The following PCDHA1 variants were observed in gnomAD, a reference collection of about 807,000 sequenced individuals.
PCDHA1 encodes the protein protocadherin alpha-1.
PCDHA1 carries 42 observed loss-of-function variants against 61.3 expected under a neutral mutation model. The observed-to-expected ratio is 0.69, with a 90% CI of 0.54 to 0.89. PCDHA1 has a LOEUF of 0.89. PCDHA1 is among the 40% of genes least tolerant of loss of function. PCDHA1 has a pLI of 0.00. For missense variants in PCDHA1, 1,256 were observed against 1,235.3 expected (o/e 1.02, Z -0.25); for synonymous variants, 610 against 553.8 (o/e 1.10, Z -1.43).
At chr5:140,993,668 A>G (rs551356894) in intron 3 of PCDHA1, among the ~76,000 whole-genome samples, 167 of 152,322 alleles carry the variant, frequency 1.1e-3, no homozygotes, top group African/African-American at 3.4e-3. Context: ...ACAATGGACC[A>G]CATATGTGAC....
In PCDHA1 at chr5:140,981,687, ATCATTCATTCAT is replaced by A. The variant is rs200213847; in HGVS notation, c.2454-771_2454-760del. Among the ~76,000 whole-genome samples the A allele has an allele frequency of 3.0e-3, 453 of 152,088 alleles. 7 individuals are homozygous for A. In the East Asian group the frequency reaches 0.044, roughly 15 times the overall value. Reference sequence around the variant, plus strand: ...CTTCCTTTCTTCCTTCCTCCCTTCCATCATTCATTCATTCATTCATTCATTCATCCAACAAAT... The same window carrying A: ...CTTCCTTTCTTCCTTCCTCCCTTCCATCATTCATTCATTCATCCAACAAAT... On this transcript the variant is annotated intron_variant, in intron 2 of 3. Transcript: ENST00000504120.
chr5:140,850,031 G>A (rs2150464401), intron 1 of PCDHA1: 5 of 1,596,722 alleles, frequency 3.1e-6, no homozygotes, highest in East Asian at 4.5e-5. Context: ...CAGTGCACGC[G>A]GAGAGCGGCA....
chr5:140,969,823 T>C (rs782195981), intron 1 of PCDHA1, among the ~76,000 whole-genome samples: 3 of 152,248 alleles, frequency 2.0e-5, no homozygotes, highest in Non-Finnish European at 4.4e-5. Context: ...CTCTGGACTG[T>C]CTACAGTGGA....
intron 3 of PCDHA1, among the ~76,000 whole-genome samples, chr5:140,987,213 CAA>C (rs58319157): frequency 9.3e-5 from 11 of 118,826 alleles, no homozygotes; most frequent in African/African-American, 1.6e-4. Flanking sequence ...GACTCCATCT[CAA>C]AAAAAAAAAA....
intron 1 of PCDHA1, chr5:140,794,733 GA>G: frequency 2.0e-6 from 1 of 496,852 alleles, no homozygotes; most frequent in Non-Finnish European, 3.5e-6. Context: ...ACTTAAACCA[GA>G]AAATCGACTA....
At chr5:140,823,872 G>C in intron 1 of PCDHA1, 1 of 1,613,916 alleles carries the variant, frequency 6.2e-7, no homozygotes, top group Non-Finnish European at 8.5e-7. Flanking sequence ...ACGTGTACCT[G>C]ATCATCGCCA....
At chr5:140,881,988 C>A in intron 1 of PCDHA1, 1 of 434,968 alleles carries the variant, frequency 2.3e-6, no homozygotes, top group Non-Finnish European at 4.0e-6. Flanking sequence ...GTGAAAATGT[C>A]AGGAAATGCA....
intron 1 of PCDHA1, among the ~76,000 whole-genome samples, chr5:140,963,059 A>G (rs1307714661): frequency 6.6e-6 from 1 of 152,162 alleles, no homozygotes; most frequent in Non-Finnish European, 1.5e-5. Context: ...GGGTTTCTAC[A>G]TTGTGAAGGA....
At chr5:140,967,562 C>T in intron 1 of PCDHA1, 1 of 1,614,064 alleles carries the variant, frequency 6.2e-7, no homozygotes, top group Non-Finnish European at 8.5e-7. Context: ...TCGCGTCCAG[C>T]TACGGGAGGA....
intron 1 of PCDHA1, chr5:140,797,599 T>C (rs1762246423): frequency 1.9e-6 from 1 of 520,462 alleles, no homozygotes; most frequent in South Asian, 3.2e-5. Context: ...TAATAGACCA[T>C]GAAACACTGA....
At chr5:140,823,531 G>A (rs2150126678) in intron 1 of PCDHA1, 2 of 1,613,780 alleles carry the variant, frequency 1.2e-6, no homozygotes, top group South Asian at 2.2e-5. Flanking sequence ...GTCAGTGGGT[G>A]CGGGCCACGT....
At chr5:140,829,083 C>T (rs2150162382) in intron 1 of PCDHA1, 3 of 1,611,052 alleles carry the variant, frequency 1.9e-6, no homozygotes, top group Non-Finnish European at 2.5e-6. Flanking sequence ...CCTCCCATGG[C>T]GGGTCATTGC....
At chr5:140,989,865 C>T (rs1209207256) in intron 3 of PCDHA1, among the ~76,000 whole-genome samples, 1 of 152,034 alleles carries the variant, frequency 6.6e-6, no homozygotes, top group Non-Finnish European at 1.5e-5. Flanking sequence ...AGGAATCTTT[C>T]TCTGCCTCAG....
At position 140,787,742 on chromosome 5, in the gene PCDHA1, G is replaced by T. The variant is rs782500968; in HGVS notation, c.1452G>T (p.Ala484=). 3.4e-5 allele frequency: 55 copies of T among 1,613,472 alleles called. No individual in the cohort carries two copies. The highest frequency in any genetic ancestry group is 4.7e-5 in the Non-Finnish European group (55 of 1,179,854). ...IFTVSARDAD[A]QENALVSYSL... ...CGGTGTCTGCGCGGGACGCGGACGC[G>T]CAGGAGAACGCGCTGGTGTCCTATT... The change falls in exon 1 of 4, where the codon GCG becomes GCT. Residue 484 remains alanine (A), a synonymous_variant. Transcript: ENST00000504120.
At chr5:140,963,701 AG>A (rs1226096855) in intron 1 of PCDHA1, among the ~76,000 whole-genome samples, 2 of 152,218 alleles carry the variant, frequency 1.3e-5, no homozygotes, top group Non-Finnish European at 1.5e-5. Flanking sequence ...TGATATCTAA[AG>A]GGCCATGCTA....
intron 1 of PCDHA1, chr5:140,877,318 G>T (rs1193928342): frequency 1.9e-6 from 3 of 1,614,000 alleles, no homozygotes; most frequent in Non-Finnish European, 2.5e-6. Context: ...ACCGGCGGCG[G>T]TCGGCGCGCA....
At chr5:140,836,549 G>T (rs2150263747) in intron 1 of PCDHA1, 2 of 1,613,770 alleles carry the variant, frequency 1.2e-6, no homozygotes, top group South Asian at 2.2e-5. Context: ...CGGCGTTGCG[G>T]TGCTCAGCGC....
chr5:140,967,026 C>G, intron 1 of PCDHA1: 2 of 1,608,434 alleles, frequency 1.2e-6, no homozygotes, highest in East Asian at 4.5e-5. Flanking sequence ...GCGCCCAGTC[C>G]GCGCTACCTG....
At chr5:140,840,282 G>A (rs1294599981) in intron 1 of PCDHA1, among the ~76,000 whole-genome samples, 2 of 151,906 alleles carry the variant, frequency 1.3e-5, no homozygotes, top group Non-Finnish European at 2.9e-5. Flanking sequence ...TGGGTTTTGG[G>A]TGATTATTGA....
Sources: allele counts gnomAD v4.1 joint callset (sites outside exome capture counted in the v4.1 genomes callset), GRCh38; gene constraint gnomAD v4.1.1; transcripts MANE v1.5; gene names NCBI Gene and HGNC (gene_info 2026-07-23, HGNC 2026-07-21).